The following CSMD2 variants were observed in gnomAD, a reference collection of about 807,000 sequenced individuals.
The protein encoded by CSMD2 is CUB and Sushi multiple domains 2, also known as CUB and sushi domain-containing protein 2.
CSMD2 carries 130 observed loss-of-function variants against 398.5 expected under a neutral mutation model. That is an observed-to-expected ratio of 0.33 (90% confidence interval 0.28 to 0.38). The LOEUF (loss-of-function observed/expected upper bound fraction) is 0.38, where lower values mean the gene tolerates loss of function less well. Ranked by LOEUF, CSMD2 falls within the 10% of genes least tolerant of loss-of-function variation. The pLI, the probability that CSMD2 is intolerant of heterozygous loss-of-function variation, is 1.00. For synonymous variants in CSMD2, 1,828 were observed against 1,908.5 expected (o/e 0.96, Z 1.10); for missense variants, 3,829 against 4,764.9 (o/e 0.80, Z 5.78).
chr1:33,609,851 G>A (rs1044018801), intron 41 of CSMD2, among the ~76,000 whole-genome samples: 2 of 152,104 alleles, frequency 1.3e-5, no homozygotes, highest in Non-Finnish European at 2.9e-5. Flanking sequence ...TTCCTGTGAC[G>A]GGTGTTAGGG....
At chr1:33,983,826 G>A (rs947302194) in intron 3 of CSMD2, among the ~76,000 whole-genome samples, 2 of 152,108 alleles carry the variant, frequency 1.3e-5, no homozygotes, top group South Asian at 2.1e-4. Flanking sequence ...CAGGGCAGAC[G>A]AAAGACTTGC....
Position 33,533,232 on chromosome 1 carries a change from G to C in CSMD2, c.9992-3C>G. The C allele has an allele frequency of 6.2e-7, 1 of 1,613,472 alleles. No individual in the cohort carries two copies. On this transcript the variant is annotated splice_region_variant and splice_polypyrimidine_tract_variant and intron_variant, in intron 63 of 70. Transcript: ENST00000373381. This position sits in a 1 kb window ranked among gnomAD's most constrained non-coding sequence, Gnocchi z 4.2. ...CTCTGGCTGCCTGCAGTGGTGGGCT[G>C]GATGAGAGGAAAGACCCTGTTGGAC...
intron 5 of CSMD2, among the ~76,000 whole-genome samples, chr1:33,896,813 C>T (rs774542305): frequency 1.2e-4 from 18 of 151,876 alleles, no homozygotes; most frequent in Non-Finnish European, 2.5e-4. Context: ...AAAGGTGGCA[C>T]CTGAAATAGG....
At chr1:33,637,244 G>A (rs538425384) in intron 29 of CSMD2, among the ~76,000 whole-genome samples, 3 of 152,314 alleles carry the variant, frequency 2.0e-5, no homozygotes, top group Non-Finnish European at 2.9e-5. Flanking sequence ...TGGGTTACCC[G>A]ACCGGTGGGA....
intron 16 of CSMD2, among the ~76,000 whole-genome samples, chr1:33,726,190 G>A (rs571431948): frequency 1.1e-4 from 16 of 152,142 alleles, no homozygotes; most frequent in Non-Finnish European, 1.8e-4. Context: ...GCCTTCCCAC[G>A]TTGGACATTT....
intron 12 of CSMD2, among the ~76,000 whole-genome samples, chr1:33,777,391 C>T (rs906000465): frequency 4.6e-5 from 7 of 152,164 alleles, no homozygotes; most frequent in African/African-American, 1.7e-4. Flanking sequence ...CCTTTGACAC[C>T]TCCTGTCCTG....
intron 5 of CSMD2, among the ~76,000 whole-genome samples, chr1:33,854,921 C>A (rs914687015): frequency 6.6e-6 from 1 of 152,096 alleles, no homozygotes; most frequent in African/African-American, 2.4e-5. Flanking sequence ...TGGCATATTG[C>A]GAAGGTCTAG....
chr1:33,889,897 T>C (rs1266223436), intron 5 of CSMD2, among the ~76,000 whole-genome samples: 4 of 151,972 alleles, frequency 2.6e-5, no homozygotes, highest in African/African-American at 9.7e-5. Flanking sequence ...ACTTTAACGT[T>C]TTATTCTGTA....
intron 2 of CSMD2, among the ~76,000 whole-genome samples, chr1:34,046,558 C>T (rs1652537069): frequency 6.6e-6 from 1 of 152,094 alleles, no homozygotes. Flanking sequence ...CAGTTGGATC[C>T]AGCGTACCCC....
chr1:33,704,575 A>G (rs567431492), intron 22 of CSMD2, among the ~76,000 whole-genome samples: 17 of 152,302 alleles, frequency 1.1e-4, no homozygotes, highest in African/African-American at 3.8e-4. Flanking sequence ...TTAGCAGGAT[A>G]ATGTCTTTTT....
Position 33,557,870 on chromosome 1 carries a change from G to A in CSMD2, c.8607C>T (p.His2869=), listed in dbSNP as rs568855737. Reference sequence around the variant, plus strand: ...AGCTGAACCTGTGCGGGCCGCTGGCGTGGACCTGACGAACACTATTTTCTT... The same window carrying A: ...AGCTGAACCTGTGCGGGCCGCTGGCATGGACCTGACGAACACTATTTTCTT... ...GHQENSVRQV[H]ASGPHRFSFG... The change falls in exon 55 of 71, where the codon CAC becomes CAT. Residue 2869 remains histidine (H), a synonymous_variant. Coordinates refer to ENST00000373381, the MANE Select transcript of CSMD2 (RefSeq NM_001281956.2). 162 of 1,536,030 alleles carry A rather than the reference G, an allele frequency of 1.1e-4. No homozygotes were observed. Among genetic ancestry groups the A allele is most frequent in the Non-Finnish European group, 1.2e-4 (142 of 1,146,926 alleles).
chr1:33,589,995 C>T (rs1486102747), intron 44 of CSMD2, among the ~76,000 whole-genome samples: 1 of 151,940 alleles, frequency 6.6e-6, no homozygotes, highest in African/African-American at 2.4e-5. Context: ...ATCTTCAAAA[C>T]TTCTAAGGCA....
At chr1:33,880,603 T>C (rs1234105933) in intron 5 of CSMD2, among the ~76,000 whole-genome samples, 1 of 152,246 alleles carries the variant, frequency 6.6e-6, no homozygotes, top group Non-Finnish European at 1.5e-5. Flanking sequence ...TCTCTCTTTC[T>C]TCTCATAGTC....
chr1:33,754,313 T>G (rs1166889458), intron 13 of CSMD2, among the ~76,000 whole-genome samples: 1 of 152,178 alleles, frequency 6.6e-6, no homozygotes. Context: ...GATCTGGTTG[T>G]TTAAAAGAAT....
intron 3 of CSMD2, among the ~76,000 whole-genome samples, chr1:34,008,699 C>T (rs1000221431): frequency 2.3e-4 from 35 of 152,130 alleles, no homozygotes; most frequent in African/African-American, 3.6e-4. Context: ...TGAAGTCTTA[C>T]GATATTCATT....
At chr1:33,971,370 C>T (rs1441612994) in intron 3 of CSMD2, among the ~76,000 whole-genome samples, 3 of 152,246 alleles carry the variant, frequency 2.0e-5, no homozygotes, top group African/African-American at 7.2e-5. Flanking sequence ...CAATCTTCCT[C>T]CGGCCTTATG....
intron 27 of CSMD2, among the ~76,000 whole-genome samples, chr1:33,654,111 G>A (rs901362358): frequency 6.6e-6 from 1 of 152,156 alleles, no homozygotes; most frequent in Non-Finnish European, 1.5e-5. Flanking sequence ...CATAAAATCC[G>A]AGTGGTCATG....
Position 33,982,022 on chromosome 1 carries a change from C to T in CSMD2, c.518-46068G>A, listed in dbSNP as rs942629261. On this transcript the variant is annotated intron_variant, in intron 3 of 70. Transcript: ENST00000373381. ...TTTGTGCCGAGGGCATGGGTGAAGG[C>T]AGAGAAGGCAATTTAGAGCTACCAT... Among the ~76,000 whole-genome samples, 4 of 152,108 alleles carry T rather than the reference C, an allele frequency of 2.6e-5. No individual in the cohort carries two copies. In the South Asian group the frequency reaches 8.3e-4, roughly 32 times the overall value.
chr1:34,061,553 C>T (rs974235998), intron 2 of CSMD2, among the ~76,000 whole-genome samples: 1 of 152,160 alleles, frequency 6.6e-6, no homozygotes, highest in Admixed American at 6.5e-5. Flanking sequence ...CAAATCCCAG[C>T]ACCACCACTT....
Sources: allele counts gnomAD v4.1 joint callset (sites outside exome capture counted in the v4.1 genomes callset), GRCh38; gene constraint gnomAD v4.1.1; non-coding constraint Gnocchi (gnomAD v3.1); transcripts MANE v1.5; gene names NCBI Gene and HGNC (gene_info 2026-07-23, HGNC 2026-07-21).